DDR2: variants seen among roughly 807,000 people sequenced by gnomAD.
The protein encoded by DDR2 is discoidin domain receptor tyrosine kinase 2, also known as discoidin domain-containing receptor 2.
A neutral mutation model predicts 94.9 loss-of-function variants in DDR2; 27 were observed. That is an observed-to-expected ratio of 0.28 (90% CI 0.21 to 0.39). The LOEUF (loss-of-function observed/expected upper bound fraction) is 0.39, where lower values mean the gene tolerates loss of function less well. Ranked by LOEUF, DDR2 falls within the 10% of genes least tolerant of loss-of-function variation. The probability of loss-of-function intolerance (pLI) is 1.00; values close to 1 mark genes in which losing one functional copy is unlikely to be tolerated. For missense variants in DDR2, 783 were observed against 1,076.0 expected (o/e 0.73, Z 3.81); for synonymous variants, 382 against 377.2 (o/e 1.01, Z -0.15).
intron 3 of DDR2, among the ~76,000 whole-genome samples, chr1:162,740,104 C>A (rs867616121): frequency 6.6e-6 from 1 of 151,898 alleles, no homozygotes; most frequent in South Asian, 2.1e-4. Flanking sequence ...CTATTTTCTC[C>A]CCAATATGCA....
rs977353959 is a variant in DDR2 at position 162,781,419 on chromosome 1, A to G, written c.*1173A>G. The G allele has an allele frequency of 3.3e-5, 5 of 152,230 alleles. No individual in the cohort carries two copies. Among genetic ancestry groups the G allele is most frequent in the African/African-American group, 7.2e-5 (3 of 41,460 alleles). The allele number at this position is 152,230 out of a possible 1,614,324, so 9.4% of individuals were successfully genotyped here. ...TTATTGGGGAAAACGAAGCACTCAG[A>G]ACATACAAGGATAAATGGGCTGCCA... On this transcript the variant is annotated 3_prime_UTR_variant, in exon 18 of 18. Coordinates refer to ENST00000367921, the MANE Select transcript of DDR2 (RefSeq NM_006182.4).
intron 5 of DDR2, 121 bp from the exon 6 acceptor site, chr1:162,755,035 A>G: frequency 4.0e-6 from 6 of 1,491,668 alleles, no homozygotes; most frequent in Non-Finnish European, 4.6e-6. Flanking sequence ...TGGGGAAAGC[A>G]GAGTAGATGC....
At chr1:162,667,161 T>C (rs1658623641) in intron 2 of DDR2, among the ~76,000 whole-genome samples, 1 of 152,156 alleles carries the variant, frequency 6.6e-6, no homozygotes, top group Non-Finnish European at 1.5e-5. Context: ...CCAGTTCCAG[T>C]GTTTTGTGAT....
At chr1:162,736,096 T>A (rs1662285453) in intron 3 of DDR2, among the ~76,000 whole-genome samples, 1 of 152,182 alleles carries the variant, frequency 6.6e-6, no homozygotes, top group Non-Finnish European at 1.5e-5. Flanking sequence ...GAGCAGTGGC[T>A]CCAGAGCCTG....
chr1:162,653,307 T>C (rs1657794248), intron 1 of DDR2, among the ~76,000 whole-genome samples: 1 of 152,176 alleles, frequency 6.6e-6, no homozygotes. Flanking sequence ...CCGGGCATGG[T>C]GGCTTGTGCC....
chr1:162,642,008 T>A (rs945769595), intron 1 of DDR2, among the ~76,000 whole-genome samples: 4 of 152,182 alleles, frequency 2.6e-5, no homozygotes, highest in African/African-American at 4.8e-5. Context: ...TAGAGTGCAG[T>A]GGCGGGATCT....
chr1:162,721,469 C>G (rs188237692), intron 3 of DDR2, among the ~76,000 whole-genome samples: 2 of 152,258 alleles, frequency 1.3e-5, no homozygotes, highest in East Asian at 1.9e-4. Context: ...CCAAGTCAAA[C>G]CAGAGATGAG....
intron 17 of DDR2, 96 bp downstream of exon 17, chr1:162,778,825 G>A (rs983456029): frequency 5.4e-5 from 81 of 1,503,460 alleles, no homozygotes; most frequent in African/African-American, 3.7e-4. Flanking sequence ...CGAGATGGAA[G>A]ACAGACTATC....
In DDR2 at chr1:162,767,355, A is replaced by G. The variant is rs1348107307; in HGVS notation, c.1289A>G (p.Glu430Gly). 6.2e-7 allele frequency: 1 copy of G among 1,613,890 alleles called. No individual in the cohort carries two copies. The highest frequency in any genetic ancestry group is 1.1e-5 in the South Asian group (1 of 91,062). Residue 430 changes from glutamate to glycine, a missense_variant, in exon 11 of 18, where the codon GAG becomes GGG. Transcript: ENST00000367921. The part of the protein sequence containing the change: ...LWRQFWQKML[E>G]KASRRMLDDE... Reference sequence around the variant, plus strand: ...AGGCAGTTCTGGCAGAAAATGCTGGAGAAGGTGAGGAGGTGCAGAATGGTC... The same window carrying G: ...AGGCAGTTCTGGCAGAAAATGCTGGGGAAGGTGAGGAGGTGCAGAATGGTC...
intron 3 of DDR2, chr1:162,741,525 C>G: frequency 3.2e-6 from 3 of 940,168 alleles, no homozygotes; most frequent in Non-Finnish European, 3.8e-6. Context: ...AAGGGTAAAG[C>G]AAAGATAAGC....
At chr1:162,642,375 C>T (rs568640615) in intron 1 of DDR2, among the ~76,000 whole-genome samples, 2 of 152,006 alleles carry the variant, frequency 1.3e-5, no homozygotes, top group African/African-American at 2.4e-5. Flanking sequence ...CAGGTTCAAG[C>T]GATTGTCCTG....
At chr1:162,690,401 G>A (rs1659912067) in intron 2 of DDR2, among the ~76,000 whole-genome samples, 1 of 152,090 alleles carries the variant, frequency 6.6e-6, no homozygotes, top group Admixed American at 6.5e-5. Flanking sequence ...ATGTCAACAT[G>A]TGTGACACTG....
At position 162,777,383 on chromosome 1, in the gene DDR2, G is replaced by A. The variant is rs1647626271; in HGVS notation, c.2283+1013G>A. Among the ~76,000 whole-genome samples, 7 of 151,938 alleles carry A rather than the reference G, an allele frequency of 4.6e-5. 1 individual carries two copies. Among genetic ancestry groups the A allele is most frequent in the Admixed American group, 3.3e-4 (5 of 15,258 alleles). On this transcript the variant is annotated intron_variant, in intron 16 of 17. Transcript: ENST00000367921. ...TTTTATTATCTGCATAATATTCCAT[G>A]TGTAGATATATACTATAACTTAATA...
chr1:162,757,061 T>C (rs1352794326), intron 7 of DDR2, among the ~76,000 whole-genome samples: 3 of 152,158 alleles, frequency 2.0e-5, no homozygotes, highest in African/African-American at 4.8e-5. Flanking sequence ...TTCAAGTATA[T>C]GAGCAAGAGA....
intron 2 of DDR2, among the ~76,000 whole-genome samples, chr1:162,696,720 C>G (rs1660210747): frequency 6.6e-6 from 1 of 152,194 alleles, no homozygotes; most frequent in South Asian, 2.1e-4. Flanking sequence ...TTCCTCCCTC[C>G]TCTCCACCCA....
chr1:162,735,677 C>T (rs1662264589), intron 3 of DDR2, among the ~76,000 whole-genome samples: 1 of 152,180 alleles, frequency 6.6e-6, no homozygotes, highest in Non-Finnish European at 1.5e-5. Flanking sequence ...TATGGATCTA[C>T]CTCCACATCT....
intron 7 of DDR2, among the ~76,000 whole-genome samples, chr1:162,756,895 A>T (rs1042751470): frequency 2.0e-5 from 3 of 152,344 alleles, no homozygotes; most frequent in South Asian, 2.1e-4. Flanking sequence ...AACCGAATTC[A>T]GTTTAATTTA....
At chr1:162,708,890 A>C (rs2102009958) in intron 2 of DDR2, among the ~76,000 whole-genome samples, 1 of 152,352 alleles carries the variant, frequency 6.6e-6, no homozygotes, top group South Asian at 2.1e-4. Context: ...TAGGGGTGGC[A>C]TGCTTTTTGC....
intron 3 of DDR2, among the ~76,000 whole-genome samples, chr1:162,732,995 A>G (rs1662131488): frequency 6.6e-6 from 1 of 152,240 alleles, no homozygotes; most frequent in Non-Finnish European, 1.5e-5. Context: ...CTGTGCTGGT[A>G]GTTTTCCACT....
Sources: gnomAD v4.1 joint callset for allele counts (sites outside exome capture counted in the v4.1 genomes callset) on GRCh38, gnomAD v4.1.1 for gene constraint, MANE v1.5 for transcripts, NCBI Gene and HGNC (gene_info 2026-07-23, HGNC 2026-07-21) for gene names.